Variants in FSHR observed in about 807,000 individuals in gnomAD.
The protein encoded by FSHR is follicle stimulating hormone receptor, also known as follicle-stimulating hormone receptor.
FSHR carries 46 observed loss-of-function variants against 52.1 expected under a neutral mutation model. The ratio of observed to expected loss-of-function variants is 0.88; its 90% confidence interval spans 0.70 to 1.13. FSHR has a LOEUF of 1.13. Among genes scored for constraint, FSHR ranks in the 50% most tolerant of loss-of-function variants. The probability of loss-of-function intolerance (pLI) is 0.00; values close to 1 mark genes in which losing one functional copy is unlikely to be tolerated. For missense variants in FSHR, 964 were observed against 834.6 expected, an observed-to-expected ratio of 1.16 and a Z score of -1.91; for synonymous variants, 399 against 309.6, an observed-to-expected ratio of 1.29 and a Z score of -3.03.
chr2:48,999,664 CTTTG>C (rs1289051798), intron 4 of FSHR, among the ~76,000 whole-genome samples: 2 of 152,018 alleles, frequency 1.3e-5, no homozygotes, highest in Admixed American at 6.6e-5. Flanking sequence ...AATACAAATA[CTTTG>C]TTTGTGAATG....
intron 9 of FSHR, among the ~76,000 whole-genome samples, chr2:48,964,433 A>G (rs368012036): frequency 1.3e-5 from 2 of 152,130 alleles, no homozygotes; most frequent in African/African-American, 4.8e-5. Context: ...TTATCTACAT[A>G]AATTAGGGGA....
intron 4 of FSHR, among the ~76,000 whole-genome samples, chr2:49,013,672 A>G (rs1362710700): frequency 1.3e-5 from 2 of 151,502 alleles, no homozygotes; most frequent in Admixed American, 6.6e-5. Context: ...GCCTTAAGAT[A>G]GACAACTCTT....
intron 9 of FSHR, among the ~76,000 whole-genome samples, chr2:48,966,600 A>T (rs551544136): frequency 6.6e-6 from 1 of 152,334 alleles, no homozygotes; most frequent in South Asian, 2.1e-4. Flanking sequence ...GAATTTCATC[A>T]TACAAGTTAA....
chr2:49,113,765 G>T (rs374938104), intron 1 of FSHR, among the ~76,000 whole-genome samples: 26 of 152,236 alleles, frequency 1.7e-4, no homozygotes, highest in African/African-American at 6.3e-4. Flanking sequence ...GTGCCAAAAA[G>T]GACACTTGTG....
At chr2:49,033,096 G>A (rs62162077) in intron 2 of FSHR, among the ~76,000 whole-genome samples, 20,804 of 152,102 alleles carry the variant, frequency 0.14, 1,450 homozygotes, top group East Asian at 0.23. Flanking sequence ...GTCTTTAAAT[G>A]TAAGACAGAA....
chr2:48,994,349 A>G (rs1379969731), intron 4 of FSHR, among the ~76,000 whole-genome samples: 1 of 152,216 alleles, frequency 6.6e-6, no homozygotes, highest in African/African-American at 2.4e-5. Flanking sequence ...ATGAGCTTCC[A>G]TAGCCACTGT....
chr2:48,993,302 C>T (rs1289108665), intron 4 of FSHR, among the ~76,000 whole-genome samples: 1 of 152,178 alleles, frequency 6.6e-6, no homozygotes, highest in African/African-American at 2.4e-5. Flanking sequence ...CTTGTTCCCC[C>T]CATTATCACC....
At chr2:48,988,319 T>C (rs975304735) in intron 6 of FSHR, among the ~76,000 whole-genome samples, 1 of 152,228 alleles carries the variant, frequency 6.6e-6, no homozygotes, top group Non-Finnish European at 1.5e-5. Context: ...TCCCCAAATG[T>C]CATTCTGTGC....
At chr2:49,047,685 CA>C (rs1348940164) in intron 2 of FSHR, among the ~76,000 whole-genome samples, 1 of 152,206 alleles carries the variant, frequency 6.6e-6, no homozygotes, top group Non-Finnish European at 1.5e-5. Context: ...AGCCAGTTTA[CA>C]AATTCCTTAG....
intron 2 of FSHR, among the ~76,000 whole-genome samples, chr2:49,041,912 C>A (rs1419985967): frequency 6.6e-6 from 1 of 152,060 alleles, no homozygotes; most frequent in African/African-American, 2.4e-5. Flanking sequence ...GTTGGGAGGC[C>A]AAGGCAAGCA....
chr2:49,096,960 C>T (rs573263439), intron 1 of FSHR, among the ~76,000 whole-genome samples: 3 of 152,244 alleles, frequency 2.0e-5, no homozygotes, highest in Admixed American at 6.5e-5. Flanking sequence ...CCCAAGGTCT[C>T]CCCAGCCCCA....
At chr2:49,023,051 T>G (rs1430281400) in intron 2 of FSHR, among the ~76,000 whole-genome samples, 1 of 152,204 alleles carries the variant, frequency 6.6e-6, no homozygotes, top group East Asian at 1.9e-4. Context: ...ACCAGACTTT[T>G]TGACCCAATG....
intron 1 of FSHR, among the ~76,000 whole-genome samples, chr2:49,072,819 GATT>G (rs72348325): frequency 0.039 from 5,896 of 152,156 alleles, 362 homozygotes; most frequent in African/African-American, 0.13. Flanking sequence ...CACTGAAAAT[GATT>G]ATTACAGAGA....
chr2:48,965,663 C>G (rs1674443500), intron 9 of FSHR, among the ~76,000 whole-genome samples: 1 of 152,338 alleles, frequency 6.6e-6, no homozygotes, highest in South Asian at 2.1e-4. Context: ...ACTTAACTCT[C>G]TAGAAACAGC....
chr2:49,011,100 A>T (rs1413332230), intron 4 of FSHR, among the ~76,000 whole-genome samples: 1 of 150,770 alleles, frequency 6.6e-6, no homozygotes, highest in Non-Finnish European at 1.5e-5. Context: ...TTGCTTTTCT[A>T]GTTCTTTTAA....
chr2:49,077,115 T>G (rs1293242764), intron 1 of FSHR, among the ~76,000 whole-genome samples: 2 of 152,146 alleles, frequency 1.3e-5, no homozygotes, highest in African/African-American at 4.8e-5. Context: ...CACCACATAT[T>G]TCCCTTCCAT....
At chr2:49,098,870 CTTATA>C (rs1241340410) in intron 1 of FSHR, among the ~76,000 whole-genome samples, 3 of 143,576 alleles carry the variant, frequency 2.1e-5, no homozygotes, top group African/African-American at 7.7e-5. Flanking sequence ...ATAATATATA[CTTATA>C]TTATCCATAT....
At chr2:49,110,588 T>G (rs1321957955) in intron 1 of FSHR, among the ~76,000 whole-genome samples, 1 of 152,172 alleles carries the variant, frequency 6.6e-6, no homozygotes, top group Non-Finnish European at 1.5e-5. Flanking sequence ...TTCAGCCTCT[T>G]GAGGATCAAG....
intron 2 of FSHR, among the ~76,000 whole-genome samples, chr2:49,053,148 TATTTCAA>T (rs1668931876): frequency 6.6e-6 from 1 of 152,236 alleles, no homozygotes; most frequent in South Asian, 2.1e-4. Flanking sequence ...TTATCATGAA[TATTTCAA>T]ATGAATTTTA....
Sources: allele counts gnomAD v4.1 joint callset (sites outside exome capture counted in the v4.1 genomes callset), GRCh38; gene constraint gnomAD v4.1.1; transcripts MANE v1.5; gene names NCBI Gene and HGNC (gene_info 2026-07-23, HGNC 2026-07-21).